GTF2I: variants seen among roughly 807,000 people sequenced by gnomAD.
GTF2I encodes general transcription factor IIi, also known as general transcription factor II-I.
In GTF2I, 12 loss-of-function variants were observed where a neutral mutation model predicts 67.6. The ratio of observed to expected loss-of-function variants is 0.18; its 90% confidence interval spans 0.11 to 0.29. GTF2I has a LOEUF of 0.29. Among genes scored for constraint, GTF2I ranks in the 10% least tolerant of loss-of-function variants. The probability of loss-of-function intolerance (pLI) is 1.00; values close to 1 mark genes in which losing one functional copy is unlikely to be tolerated. For synonymous variants in GTF2I, 149 were observed against 197.0 expected (o/e 0.76, Z 2.04); for missense variants, 271 against 580.1 (o/e 0.47, Z 5.47).
At chr7:74,711,663 T>G (rs1204218530) in intron 9 of GTF2I, among the ~76,000 whole-genome samples, 1 of 152,198 alleles carries the variant, frequency 6.6e-6, no homozygotes, top group Non-Finnish European at 1.5e-5. Context: ...CTATAAAGTC[T>G]TATGAATGAA....
At chr7:74,714,818 G>T (rs782152249) in intron 9 of GTF2I, 39 bp from the exon 10 acceptor site, 15 of 1,426,036 alleles carry the variant, frequency 1.1e-5, no homozygotes, top group Admixed American at 2.0e-5. Flanking sequence ...TTTTTTTTGG[G>T]GGGGATTACT....
At chr7:74,688,079 T>C (rs1554395943) in intron 1 of GTF2I, among the ~76,000 whole-genome samples, 3 of 152,292 alleles carry the variant, frequency 2.0e-5, no homozygotes, top group African/African-American at 7.2e-5. Context: ...TGGTAAAATA[T>C]ACATAATTTT....
chr7:74,682,988 TG>T (rs1787393099), intron 1 of GTF2I, among the ~76,000 whole-genome samples: 1 of 148,990 alleles, frequency 6.7e-6, no homozygotes, highest in African/African-American at 2.5e-5. Flanking sequence ...TTGTTTAGTA[TG>T]GAGAAGAAAA....
At position 74,657,766 on chromosome 7, in the gene GTF2I, C is replaced by T. The variant is rs1304911206; in HGVS notation, c.-308C>T. ...GAAAAGGGGCCACCGGTCGCCCCCC[C>T]GCTTCCCCGCACGCGCTCTCCAGCC... is the stretch of plus-strand genomic sequence containing the variant. On this transcript the variant is annotated 5_prime_UTR_variant, in exon 1 of 35. Coordinates refer to ENST00000573035, the MANE Select transcript of GTF2I (RefSeq NM_032999.4). 6.6e-6 allele frequency: 1 copy of T among 152,282 alleles called. No homozygotes were observed. Among genetic ancestry groups the T allele is most frequent in the Non-Finnish European group, 1.5e-5 (1 of 68,282 alleles). 9.4% of individuals were successfully genotyped at this position (152,282 alleles called of 1,614,324 possible). A position where few individuals can be genotyped will look rare whatever the true frequency, so the allele number is the denominator to read the frequency against.
chr7:74,706,653 A>G (rs1377450740), intron 8 of GTF2I, among the ~76,000 whole-genome samples: 12 of 152,070 alleles, frequency 7.9e-5, no homozygotes, highest in African/African-American at 1.7e-4. Context: ...TGCCAGTTAC[A>G]TATGTTTGTA....
At chr7:74,662,312 G>T (rs1804578542) in intron 1 of GTF2I, among the ~76,000 whole-genome samples, 1 of 144,576 alleles carries the variant, frequency 6.9e-6, no homozygotes, top group Non-Finnish European at 1.5e-5. Context: ...CCAGGGTCAA[G>T]TGATTCTCCT....
chr7:74,693,559 T>C (rs1554397604), intron 3 of GTF2I, among the ~76,000 whole-genome samples: 1 of 151,852 alleles, frequency 6.6e-6, no homozygotes, highest in African/African-American at 2.4e-5. Context: ...ATATTGAAAT[T>C]AGGCCGGCCA....
At chr7:74,694,384 C>A (rs1788678714) in intron 3 of GTF2I, among the ~76,000 whole-genome samples, 1 of 152,186 alleles carries the variant, frequency 6.6e-6, no homozygotes, top group South Asian at 2.1e-4. Context: ...CTCAGGAGTT[C>A]AAGACCACCC....
chr7:74,707,332 GC>G (rs1364379660), intron 8 of GTF2I, among the ~76,000 whole-genome samples: 1 of 152,166 alleles, frequency 6.6e-6, no homozygotes. Flanking sequence ...CGCCCTGCCT[GC>G]CCCCTCATCT....
At chr7:74,695,658 CCT>C (rs1427828988) in intron 3 of GTF2I, among the ~76,000 whole-genome samples, 8 of 151,942 alleles carry the variant, frequency 5.3e-5, no homozygotes, top group South Asian at 2.1e-4. Context: ...TATTCCTCCC[CCT>C]GTCCCTTACC....
intron 9 of GTF2I, among the ~76,000 whole-genome samples, chr7:74,712,899 T>C (rs1791796701): frequency 6.6e-6 from 1 of 152,212 alleles, no homozygotes; most frequent in South Asian, 2.1e-4. Flanking sequence ...TGATGTTTTC[T>C]TCTAAAACTT....
intron 1 of GTF2I, among the ~76,000 whole-genome samples, chr7:74,672,921 C>T (rs1186561155): frequency 6.6e-6 from 1 of 151,898 alleles, no homozygotes; most frequent in Non-Finnish European, 1.5e-5. Flanking sequence ...AGTGCAGTGG[C>T]ACGATCTCGG....
At chr7:74,721,613 A>T (rs1341227477) in intron 12 of GTF2I, among the ~76,000 whole-genome samples, 3 of 152,054 alleles carry the variant, frequency 2.0e-5, no homozygotes, top group African/African-American at 7.2e-5. Context: ...AGAAGATAAA[A>T]AACTGTCTCA....
intron 6 of GTF2I, among the ~76,000 whole-genome samples, chr7:74,702,552 T>G (rs1320525654): frequency 6.6e-6 from 1 of 152,140 alleles, no homozygotes; most frequent in East Asian, 1.9e-4. Flanking sequence ...TGACAAGCTG[T>G]TTTCCAAGGT....
chr7:74,688,139 C>T (rs1208298771), intron 1 of GTF2I, among the ~76,000 whole-genome samples: 1 of 152,214 alleles, frequency 6.6e-6, no homozygotes, highest in South Asian at 2.1e-4. Flanking sequence ...AGTGAGGTGG[C>T]GTGATCTCGG....
Position 74,657,952 on chromosome 7 carries a change from C to T in GTF2I, c.-122C>T, listed in dbSNP as rs1804058704. The T allele has an allele frequency of 6.6e-6, 1 of 151,938 alleles. No individual in the cohort carries two copies. The highest frequency in any genetic ancestry group is 1.5e-5 in the Non-Finnish European group (1 of 68,030). 9.4% of individuals were successfully genotyped at this position (151,938 alleles called of 1,614,324 possible). ...CTCGCCCCCTCTCGCCTCCCGTCCG[C>T]TCGCCAGCTCCCCTCAGCCGAGGCT... is the stretch of plus-strand genomic sequence containing the variant. On this transcript the variant is annotated 5_prime_UTR_variant, in exon 1 of 35. Coordinates refer to ENST00000573035, the MANE Select transcript of GTF2I (RefSeq NM_032999.4).
chr7:74,712,487 AGTGTGTGTGTGTGTGTGTGT>A (rs142200093), intron 9 of GTF2I, among the ~76,000 whole-genome samples: 293 of 131,844 alleles, frequency 2.2e-3, no homozygotes, highest in Middle Eastern at 3.8e-3. Context: ...TTCTCCCGGG[AGTGTGTGTGTGTGTGTGTGT>A]GTGTGTGTGT....
At chr7:74,698,645 C>A (rs1329212206) in intron 3 of GTF2I, among the ~76,000 whole-genome samples, 1 of 151,982 alleles carries the variant, frequency 6.6e-6, no homozygotes, top group Admixed American at 6.6e-5. Context: ...CTCCTGGGCT[C>A]AAGCAATCCT....
chr7:74,665,017 G>T (rs1425739244), intron 1 of GTF2I, among the ~76,000 whole-genome samples: 2 of 149,296 alleles, frequency 1.3e-5, no homozygotes, highest in Non-Finnish European at 3.0e-5. Flanking sequence ...CTGGCTCACC[G>T]CAATCTCCGC....
Sources: gnomAD v4.1 joint callset for allele counts (sites outside exome capture counted in the v4.1 genomes callset) on GRCh38, gnomAD v4.1.1 for gene constraint, MANE v1.5 for transcripts, NCBI Gene and HGNC (gene_info 2026-07-23, HGNC 2026-07-21) for gene names.